MTM1: variants seen among roughly 807,000 people sequenced by gnomAD.
The protein encoded by MTM1 is myotubularin.
In MTM1, 9 loss-of-function variants were observed where a neutral mutation model predicts 52.1. That is an observed-to-expected ratio of 0.17 (90% CI 0.10 to 0.30). MTM1 has a LOEUF of 0.30. Among genes scored for constraint, MTM1 ranks in the 10% least tolerant of loss-of-function variants. The probability of loss-of-function intolerance (pLI) is 1.00; values close to 1 mark genes in which losing one functional copy is unlikely to be tolerated. For synonymous variants in MTM1, 136 were observed against 163.8 expected (o/e 0.83, Z 1.29); for missense variants, 277 against 470.7 (o/e 0.59, Z 3.81).
chrX:150,576,627 C>A (rs909772118), intron 1 of MTM1, among the ~76,000 whole-genome samples: 1 of 111,746 alleles, frequency 8.9e-6, no homozygotes, highest in Non-Finnish European at 1.9e-5. Context: ...CCATCTCTGA[C>A]CAGGTATTCT....
rs782652121 is a variant in MTM1 at position 150,614,692 on chromosome X, C to G, written c.335C>G (p.Thr112Ser). ...RGENSYGLDI[T>S]CKDMRNLRFA... ...GAAAATTCCTATGGTCTAGATATTACTTGTAAAGTAAGAGATTCGATACTT... is the reference window on the plus strand; with the variant it reads ...GAAAATTCCTATGGTCTAGATATTAGTTGTAAAGTAAGAGATTCGATACTT... The change falls in exon 5 of 15, where the codon ACT (threonine) becomes AGT (serine). Residue 112 changes from threonine (T) to serine (S), a missense_variant. This residue lies in a region of MTM1 where 164 missense variants were observed against 283.3 expected (regional missense o/e 0.58). Coordinates refer to ENST00000370396, the MANE Select transcript of MTM1 (RefSeq NM_000252.3). 3.6e-6 allele frequency: 4 copies of G among 1,097,348 alleles called. No homozygotes were observed. In the African/African-American group the frequency reaches 7.3e-5, roughly 20 times the overall value. 90.4% of individuals were successfully genotyped at this position (1,097,348 alleles called of 1,213,427 possible).
intron 1 of MTM1, among the ~76,000 whole-genome samples, chrX:150,583,884 T>TATATATTAAATATATATTAA (rs1557412110): frequency 2.8e-5 from 1 of 35,723 alleles, no homozygotes; most frequent in Non-Finnish European, 4.0e-5. Context: ...ATATTAAATA[T>TATATATTAAATATATATTAA]ATATATATAT....
intron 6 of MTM1, 143 bp from the exon 7 acceptor site, chrX:150,638,800 G>T (rs1557413771): frequency 4.4e-5 from 20 of 456,309 alleles, no homozygotes; most frequent in Admixed American, 2.9e-4. Flanking sequence ...TTTTTTTGTT[G>T]TTGTTGTTAT....
At chrX:150,616,392 G>A (rs1325528067) in intron 5 of MTM1, among the ~76,000 whole-genome samples, 1 of 111,713 alleles carries the variant, frequency 9.0e-6, no homozygotes, top group Non-Finnish European at 1.9e-5. Context: ...AATCTGCTTC[G>A]GTGAGATAAA....
intron 4 of MTM1, among the ~76,000 whole-genome samples, chrX:150,602,550 C>G (rs1485458851): frequency 8.9e-6 from 1 of 112,287 alleles, no homozygotes; most frequent in East Asian, 2.8e-4. Context: ...TGTGGTTTGA[C>G]CACAGTATGG....
rs1337271975 is a variant in MTM1 at position 150,579,300 on chromosome X, C to T, written c.-11+10638C>T. 4.5e-5 allele frequency among the ~76,000 whole-genome samples: 5 copies of T among 110,536 alleles called. 1 individual carries two copies. In the South Asian group the frequency reaches 1.1e-3, roughly 25 times the overall value. On this transcript the variant is annotated intron_variant, in intron 1 of 14. Coordinates refer to ENST00000370396, the MANE Select transcript of MTM1 (RefSeq NM_000252.3). ...AACTCCTGACCTCAGGTAATCTGCC[C>T]GCCTCGTCCTCCCAAAGTGCTGGGA...
At chrX:150,636,351 A>G (rs782586301) in intron 6 of MTM1, among the ~76,000 whole-genome samples, 1 of 112,229 alleles carries the variant, frequency 8.9e-6, no homozygotes, top group African/African-American at 3.2e-5. Context: ...ATTTTCTGAT[A>G]ACAATTTTAT....
intron 6 of MTM1, among the ~76,000 whole-genome samples, chrX:150,621,423 C>T (rs1280344161): frequency 2.7e-5 from 3 of 111,220 alleles, no homozygotes; most frequent in Admixed American, 9.6e-5. Flanking sequence ...CAGTTTCTTC[C>T]CCTTCCAGCT....
intron 4 of MTM1, among the ~76,000 whole-genome samples, chrX:150,604,639 C>T (rs1367547411): frequency 9.0e-6 from 1 of 111,114 alleles, no homozygotes; most frequent in Non-Finnish European, 1.9e-5. Context: ...ATCACATTTG[C>T]CTCATCCTTT....
At chrX:150,652,941 T>C (rs2040053713) in intron 10 of MTM1, among the ~76,000 whole-genome samples, 1 of 110,323 alleles carries the variant, frequency 9.1e-6, no homozygotes. Context: ...CTCAGATGTC[T>C]GAGGAAGTTA....
intron 4 of MTM1, among the ~76,000 whole-genome samples, chrX:150,608,836 A>G (rs1207152748): frequency 1.1e-4 from 12 of 109,960 alleles, no homozygotes; most frequent in Admixed American, 9.7e-4. Flanking sequence ...GATGATTATT[A>G]TTATTATTTT....
intron 14 of MTM1, among the ~76,000 whole-genome samples, chrX:150,666,675 C>G (rs781978830): frequency 8.9e-6 from 1 of 111,892 alleles, no homozygotes; most frequent in East Asian, 2.8e-4. Flanking sequence ...TGTAACACAT[C>G]CCTATGAGTG....
At chrX:150,663,346 C>CTGTA in intron 13 of MTM1, 87 bp from the exon 14 acceptor site, 1 of 987,281 alleles carries the variant, frequency 1.0e-6, no homozygotes, top group Non-Finnish European at 1.4e-6. Context: ...TGATGCTGAA[C>CTGTA]TGTATTGCTA....
intron 9 of MTM1, among the ~76,000 whole-genome samples, chrX:150,648,168 C>T (rs1188684148): frequency 2.7e-5 from 3 of 111,437 alleles, no homozygotes; most frequent in African/African-American, 6.5e-5. Context: ...ATTTAGAGCA[C>T]GCTCTAAAGA....
At chrX:150,651,387 TA>T (rs1294172275) in intron 10 of MTM1, among the ~76,000 whole-genome samples, 1 of 111,032 alleles carries the variant, frequency 9.0e-6, no homozygotes, top group African/African-American at 3.3e-5. Flanking sequence ...ATAAAGTTCA[TA>T]CTTTATTTGG....
chrX:150,600,008 A>G lies in MTM1; in HGVS notation c.231+1322A>G, dbSNP rs782562284. Among the ~76,000 whole-genome samples, 89 of 112,060 alleles carry G rather than the reference A, an allele frequency of 7.9e-4. 1 individual carries two copies. The highest frequency in any genetic ancestry group is 8.8e-4 in the Non-Finnish European group (47 of 53,183). Reference sequence around the variant, plus strand: ...GGAGTGTTATTGACACATTGTCTTGATGGAACCAAGGCCATATGACAGACT... The same window carrying G: ...GGAGTGTTATTGACACATTGTCTTGGTGGAACCAAGGCCATATGACAGACT... On this transcript the variant is annotated intron_variant, in intron 4 of 14. Coordinates refer to ENST00000370396, the MANE Select transcript of MTM1 (RefSeq NM_000252.3).
intron 6 of MTM1, among the ~76,000 whole-genome samples, chrX:150,629,950 C>T (rs1404041232): frequency 1.8e-5 from 2 of 112,016 alleles, no homozygotes; most frequent in Admixed American, 1.9e-4. Flanking sequence ...TACCTATTTC[C>T]ATCCACCAAT....
chrX:150,583,938 T>A (rs868954524), intron 1 of MTM1, among the ~76,000 whole-genome samples: 636 of 59,911 alleles, frequency 0.011, 68 homozygotes, highest in African/African-American at 0.017. Context: ...TAAATTAAAA[T>A]ATATATATTA....
chrX:150,619,178 A>T, intron 6 of MTM1, 39 bp downstream of exon 6: 4 of 992,328 alleles, frequency 4.0e-6, no homozygotes, highest in Non-Finnish European at 5.8e-6. Context: ...GAAGGTTCTC[A>T]GTGCCTCCTC....
Sources: gnomAD v4.1 joint callset for allele counts (sites outside exome capture counted in the v4.1 genomes callset) on GRCh38, gnomAD v4.1.1 for gene constraint, gnomAD v4.1.1 regional missense constraint, MANE v1.5 for transcripts, NCBI Gene and HGNC (gene_info 2026-07-23, HGNC 2026-07-21) for gene names.